The following RABL6 variants were observed in gnomAD, a reference collection of about 807,000 sequenced individuals.
RABL6 encodes rab-like protein 6.
RABL6 carries 28 observed loss-of-function variants against 72.9 expected under a neutral mutation model. That is an observed-to-expected ratio of 0.38 (90% CI 0.28 to 0.53). RABL6 has a LOEUF of 0.53. Ranked by LOEUF, RABL6 falls within the 20% of genes least tolerant of loss-of-function variation. The probability of loss-of-function intolerance (pLI) is 0.80; values close to 1 mark genes in which losing one functional copy is unlikely to be tolerated. For missense variants in RABL6, 1,029 were observed against 1,008.4 expected, an observed-to-expected ratio of 1.02 and a Z score of -0.28; for synonymous variants, 477 against 421.2, an observed-to-expected ratio of 1.13 and a Z score of -1.62.
chr9:136,840,522 G>C lies in RABL6; in HGVS notation c.2190G>C (p.Ter730TyrextTer97). 1 of 1,541,212 alleles carries C rather than the reference G, an allele frequency of 6.5e-7. No homozygotes were observed. Among genetic ancestry groups the C allele is most frequent in the South Asian group, 1.2e-5 (1 of 83,492 alleles). ...GGGGTGGCGACTACGAGGAGCTCTAGGCCGGCGTGGGCAGTGGCCGCCCTG... is the reference window on the plus strand; with the variant it reads ...GGGGTGGCGACTACGAGGAGCTCTACGCCGGCGTGGGCAGTGGCCGCCCTG... ...HPGGGDYEEL[*>Y] The change falls in exon 15 of 15, where the codon TAG becomes TAC. Residue 730 changes from the stop codon to tyrosine (Y), a stop_lost. Transcript: ENST00000311502.
In RABL6 at chr9:136,840,931, A is replaced by G. The variant is rs1454677430; in HGVS notation, c.*409A>G. 2 of 1,474,034 alleles carry G rather than the reference A, an allele frequency of 1.4e-6. No individual in the cohort carries two copies. The highest frequency in any genetic ancestry group is 4.9e-5 in the Admixed American group (2 of 40,490). The allele number at this position is 1,474,034 out of a possible 1,614,324, so 91.3% of individuals were successfully genotyped here. A position where few individuals can be genotyped will look rare whatever the true frequency, so the allele number is the denominator to read the frequency against. ...GCCCTCCGCGCTCATCTGGGGCCGC[A>G]GCATGCCTATGGTTCCGCTTCCGGC... On this transcript the variant is annotated 3_prime_UTR_variant, in exon 15 of 15. Coordinates refer to ENST00000311502, the MANE Select transcript of RABL6 (RefSeq NM_024718.5).
intron 1 of RABL6, among the ~76,000 whole-genome samples, chr9:136,810,846 G>A (rs1847996372): frequency 6.6e-6 from 1 of 152,090 alleles, no homozygotes; most frequent in Admixed American, 6.6e-5. Context: ...CGGCTTTCTG[G>A]TATTTATTTT....
Position 136,840,413 on chromosome 9 carries a change from G to A in RABL6, c.2081G>A (p.Arg694Gln), listed in dbSNP as rs769835702. ...GAGGAGCGGCGACGGCGGCAGCAGC[G>A]GCCCCCGCGCAGCAGGGAGAGGACG... ...GKEERRRRQQ[R>Q]PPRSRERTAA... Residue 694 changes from arginine to glutamine, a missense_variant, in exon 15 of 15, where the codon CGG (arginine) becomes CAG (glutamine). Physicochemically the swap from Arg to Gln is conservative, Grantham distance 43 (BLOSUM62 1). Transcript: ENST00000311502. 59 of 1,550,196 alleles carry A rather than the reference G, an allele frequency of 3.8e-5. No individual in the cohort carries two copies. Among genetic ancestry groups the A allele is most frequent in the South Asian group, 2.5e-4 (21 of 84,180 alleles).
At chr9:136,821,511 G>T in intron 1 of RABL6, 1 of 985,404 alleles carries the variant, frequency 1.0e-6, no homozygotes, top group Non-Finnish European at 1.2e-6. Flanking sequence ...GCGAGGCTAT[G>T]CGTGCGCGGC....
At chr9:136,822,195 G>A (rs1018610702) in intron 1 of RABL6, 2 of 851,210 alleles carry the variant, frequency 2.3e-6, no homozygotes, top group Non-Finnish European at 3.1e-6. Flanking sequence ...CAGAAAACCT[G>A]GGGGGGGCGT....
chr9:136,810,695 C>T (rs1332242324), intron 1 of RABL6, among the ~76,000 whole-genome samples: 1 of 152,136 alleles, frequency 6.6e-6, no homozygotes, highest in Non-Finnish European at 1.5e-5. Flanking sequence ...GCACCGGCCA[C>T]CACGCCCGGC....
chr9:136,839,318 G>A lies in RABL6; in HGVS notation c.1590G>A (p.Pro530=), dbSNP rs374795857. The stretch of plus-strand genomic sequence containing the variant: ...GCGGTGTCTCTGTTCGCACAGGTCC[G>A]GAGAAGCGCAGCAGCACCAGGCCCC... The part of the protein sequence containing the change: ...WPGGVSVRTG[P]EKRSSTRPPA... Residue 530 remains proline (P), a synonymous_variant, in exon 12 of 15, where the codon CCG becomes CCA. Coordinates refer to ENST00000311502, the MANE Select transcript of RABL6 (RefSeq NM_024718.5). The A allele has an allele frequency of 6.6e-5, 107 of 1,612,300 alleles. No individual in the cohort carries two copies. The highest frequency in any genetic ancestry group is 1.6e-4 in the African/African-American group (12 of 74,932).
chr9:136,820,452 A>T (rs1280685249), intron 1 of RABL6, among the ~76,000 whole-genome samples: 1 of 150,592 alleles, frequency 6.6e-6, no homozygotes, highest in African/African-American at 2.4e-5. Flanking sequence ...GCTCACTGCA[A>T]CCTCCACCTC....
In RABL6 at chr9:136,813,402, G is replaced by C; in HGVS notation, c.130+5076G>C. 3 of 928,252 alleles carry C rather than the reference G, an allele frequency of 3.2e-6. No individual in the cohort carries two copies. In the South Asian group the frequency reaches 4.3e-5, roughly 13 times the overall value. The allele number at this position is 928,252 out of a possible 1,614,324, so 57.5% of individuals were successfully genotyped here. A position where few individuals can be genotyped will look rare whatever the true frequency, so the allele number is the denominator to read the frequency against. ...ACTGTAGGAGAGGTTGCTTAAACCA[G>C]AGTTTTTGATTCACCCCTCCAAGTG... On this transcript the variant is annotated intron_variant, in intron 1 of 14. Transcript: ENST00000311502.
intron 1 of RABL6, chr9:136,809,864 G>T (rs1368519358): frequency 1.9e-5 from 3 of 160,494 alleles, no homozygotes; most frequent in South Asian, 1.9e-4. Context: ...TGGGGAGAAG[G>T]CTTGACTATT....
intron 5 of RABL6, among the ~76,000 whole-genome samples, chr9:136,830,630 G>A (rs1238526182): frequency 1.3e-5 from 2 of 152,274 alleles, no homozygotes; most frequent in East Asian, 1.9e-4. Context: ...CTTTTCCCAA[G>A]CGAAGTTGAG....
chr9:136,837,636 C>T lies in RABL6; in HGVS notation c.1100C>T (p.Ala367Val). The change falls in exon 9 of 15, where the codon GCC becomes GTC. Residue 367 changes from alanine (A) to valine (V), a missense_variant. Coordinates refer to ENST00000311502, the MANE Select transcript of RABL6 (RefSeq NM_024718.5). Reference sequence around the variant, plus strand: ...TCTAGGCTGTTTGGGACGTCACCTGCCACCGAGGCAGCCCCTCCACCTCCA... The same window carrying T: ...TCTAGGCTGTTTGGGACGTCACCTGTCACCGAGGCAGCCCCTCCACCTCCA... ...IISRLFGTSP[A>V]TEAAPPPPEP... is the part of the protein sequence containing the mutation. 2 of 1,595,984 alleles carry T rather than the reference C, an allele frequency of 1.3e-6. No individual in the cohort carries two copies. The highest frequency in any genetic ancestry group is 8.5e-7 in the Non-Finnish European group (1 of 1,172,910).
intron 1 of RABL6, among the ~76,000 whole-genome samples, chr9:136,818,733 A>G (rs1340895488): frequency 6.6e-6 from 1 of 151,058 alleles, no homozygotes; most frequent in East Asian, 1.9e-4. Context: ...CAACAGAGTG[A>G]GACTTAATCA....
At chr9:136,823,440 CG>C in intron 1 of RABL6, 84 bp from the exon 2 acceptor site, 2 of 1,531,056 alleles carry the variant, frequency 1.3e-6, no homozygotes, top group Non-Finnish European at 8.9e-7. Context: ...GCAGCAGAAC[CG>C]GCTCTCCTTG....
In RABL6 at chr9:136,831,825, C is replaced by T. The variant is rs372307571; in HGVS notation, c.563C>T (p.Pro188Leu). The T allele has an allele frequency of 2.3e-5, 37 of 1,612,910 alleles. No individual in the cohort carries two copies. The highest frequency in any genetic ancestry group is 1.1e-4 in the African/African-American group (8 of 74,914). The change falls in exon 6 of 15, where the codon CCG (proline) becomes CTG (leucine). Residue 188 changes from proline (P) to leucine (L), a missense_variant. Physicochemically the swap from Pro to Leu is moderately conservative, Grantham distance 98. This residue lies in a region of RABL6 where 434 missense variants were observed against 536.1 expected (regional missense o/e 0.81). Coordinates refer to ENST00000311502, the MANE Select transcript of RABL6 (RefSeq NM_024718.5). ...ATGGGCGAGCACCGAGTCATCCTGC[C>T]GGACGACGTGCGTGACTTCATCGAC... ...RDMGEHRVIL[P>L]DDVRDFIDNL...
intron 1 of RABL6, among the ~76,000 whole-genome samples, chr9:136,816,580 A>T (rs1187414841): frequency 6.6e-6 from 1 of 151,828 alleles, no homozygotes; most frequent in Non-Finnish European, 1.5e-5. Context: ...GCTGGGTGTG[A>T]TGGGCACATG....
chr9:136,840,450 G>A lies in RABL6; in HGVS notation c.2118G>A (p.Glu706=). 6.5e-7 allele frequency: 1 copy of A among 1,542,946 alleles called. No individual in the cohort carries two copies. Among genetic ancestry groups the A allele is most frequent in the Non-Finnish European group, 8.7e-7 (1 of 1,144,274 alleles). The change falls in exon 15 of 15, where the codon GAG becomes GAA. Residue 706 remains glutamate, a synonymous_variant. Coordinates refer to ENST00000311502, the MANE Select transcript of RABL6 (RefSeq NM_024718.5). ...PRSRERTAAD[E]LEAFLGGGAP... is the part of the protein sequence containing the mutation. ...GCAGGGAGAGGACGGCTGCCGATGA[G>A]CTGGAGGCTTTCCTGGGGGGCGGGG... is the stretch of plus-strand genomic sequence containing the variant.
rs537832781 is a variant in RABL6 at position 136,840,744 on chromosome 9, G to C, written c.*222G>C. 85 of 1,548,396 alleles carry C rather than the reference G, an allele frequency of 5.5e-5. No homozygotes were observed. In the South Asian group the frequency reaches 9.8e-4, roughly 18 times the overall value. On this transcript the variant is annotated 3_prime_UTR_variant, in exon 15 of 15. Coordinates refer to ENST00000311502, the MANE Select transcript of RABL6 (RefSeq NM_024718.5). ...TCTGCAAGAAGGGAGGGGACAGCTGGCTTCAGCCAGGCTCGGTGGACACCC... is the reference window on the plus strand; with the variant it reads ...TCTGCAAGAAGGGAGGGGACAGCTGCCTTCAGCCAGGCTCGGTGGACACCC...
chr9:136,832,078 CA>C, intron 6 of RABL6, 186 bp from the exon 7 acceptor site: 1 of 904,050 alleles, frequency 1.1e-6, no homozygotes, highest in Non-Finnish European at 1.6e-6. Context: ...GAAGTGCTGG[CA>C]CTGTGGGGTC....
Sources: allele counts gnomAD v4.1 joint callset (sites outside exome capture counted in the v4.1 genomes callset), GRCh38; gene constraint gnomAD v4.1.1; regional missense constraint gnomAD v4.1.1; transcripts MANE v1.5; gene names NCBI Gene and HGNC (gene_info 2026-07-23, HGNC 2026-07-21).